The following CCSER1 variants were observed in gnomAD, a reference collection of about 807,000 sequenced individuals.
CCSER1 encodes the protein serine-rich coiled-coil domain-containing protein 1.
In CCSER1, 41 loss-of-function variants were observed where a neutral mutation model predicts 82.0. The observed-to-expected ratio is 0.50, with a 90% CI of 0.39 to 0.65. The LOEUF (loss-of-function observed/expected upper bound fraction) is 0.65. CCSER1 is among the 30% of genes least tolerant of loss of function. The pLI is 0.00. For synonymous variants in CCSER1, 414 were observed against 383.9 expected (o/e 1.08, Z -0.92); for missense variants, 1,119 against 1,064.2 (o/e 1.05, Z -0.72).
chr4:91,217,859 A>G (rs985380567), intron 10 of CCSER1, among the ~76,000 whole-genome samples: 2 of 152,236 alleles, frequency 1.3e-5, no homozygotes, highest in African/African-American at 2.4e-5. Flanking sequence ...TGAACTAGAT[A>G]TAAAGACTCT....
intron 7 of CCSER1, among the ~76,000 whole-genome samples, chr4:90,790,677 A>G (rs1214428069): frequency 6.6e-6 from 1 of 152,198 alleles, no homozygotes; most frequent in African/African-American, 2.4e-5. Flanking sequence ...ATCTGAGACC[A>G]CTTCAGCTTG....
chr4:90,135,116 G>A (rs1420757726), intron 1 of CCSER1, among the ~76,000 whole-genome samples: 1 of 152,062 alleles, frequency 6.6e-6, no homozygotes, highest in Non-Finnish European at 1.5e-5. Flanking sequence ...TCCTGATTCG[G>A]AAGCATTCTT....
chr4:91,187,614 C>T (rs544619976), intron 10 of CCSER1, among the ~76,000 whole-genome samples: 74 of 151,698 alleles, frequency 4.9e-4, no homozygotes, highest in Admixed American at 4.1e-3. Flanking sequence ...TGCAGTGATG[C>T]GATCTCGGCT....
chr4:91,493,740 C>T (rs1266334915), intron 10 of CCSER1, among the ~76,000 whole-genome samples: 1 of 151,512 alleles, frequency 6.6e-6, no homozygotes, highest in Non-Finnish European at 1.5e-5. Flanking sequence ...ATTATAATTT[C>T]ATCAACTCAT....
intron 10 of CCSER1, among the ~76,000 whole-genome samples, chr4:91,386,118 A>G (rs1751269840): frequency 2.0e-5 from 3 of 151,710 alleles, no homozygotes; most frequent in Admixed American, 2.0e-4. Flanking sequence ...TTTTTTTTAA[A>G]TACCATTCCC....
intron 10 of CCSER1, among the ~76,000 whole-genome samples, chr4:91,381,289 G>A (rs1332124340): frequency 6.6e-6 from 1 of 152,040 alleles, no homozygotes; most frequent in African/African-American, 2.4e-5. Context: ...TCTGAATGTT[G>A]GCCTGCCTTG....
intron 10 of CCSER1, among the ~76,000 whole-genome samples, chr4:91,149,659 G>A (rs1041271900): frequency 6.6e-6 from 1 of 152,250 alleles, no homozygotes; most frequent in East Asian, 1.9e-4. Flanking sequence ...TTTTGTATAA[G>A]GTGTAAGGAA....
chr4:91,033,795 G>C (rs1252674396), intron 9 of CCSER1, among the ~76,000 whole-genome samples: 1 of 152,146 alleles, frequency 6.6e-6, no homozygotes, highest in Admixed American at 6.5e-5. Flanking sequence ...TGCTACAGCA[G>C]CACCGTAAGG....
chr4:90,806,866 C>CTT (rs11412984), intron 7 of CCSER1, among the ~76,000 whole-genome samples: 9,710 of 146,692 alleles, frequency 0.066, 429 homozygotes, highest in Admixed American at 0.12. Flanking sequence ...GAATCCTCTT[C>CTT]TTTTTTTTTT....
intron 3 of CCSER1, among the ~76,000 whole-genome samples, chr4:90,333,013 C>T (rs1227062304): frequency 6.6e-6 from 1 of 152,156 alleles, no homozygotes; most frequent in Non-Finnish European, 1.5e-5. Context: ...GGCACTAACA[C>T]TCATGACAGT....
chr4:90,652,856 T>C (rs550914767), intron 6 of CCSER1, among the ~76,000 whole-genome samples: 3 of 152,158 alleles, frequency 2.0e-5, no homozygotes, highest in Admixed American at 6.6e-5. Context: ...CAAGGCCCCA[T>C]TGTTTCTCTG....
chr4:90,292,766 A>G (rs927905465), intron 1 of CCSER1, among the ~76,000 whole-genome samples: 1 of 151,476 alleles, frequency 6.6e-6, no homozygotes, highest in East Asian at 1.9e-4. Context: ...TTGATCTAAC[A>G]TTTGTGTTTG....
chr4:91,152,961 A>G (rs1055932893), intron 10 of CCSER1, among the ~76,000 whole-genome samples: 13 of 151,498 alleles, frequency 8.6e-5, no homozygotes, highest in Admixed American at 6.6e-4. Context: ...CTTCATTTCT[A>G]CTTTGGTGAA....
chr4:90,546,478 C>A (rs1560696527), intron 5 of CCSER1, among the ~76,000 whole-genome samples: 1 of 152,080 alleles, frequency 6.6e-6, no homozygotes, highest in Non-Finnish European at 1.5e-5. Context: ...TGAATAATGG[C>A]TGAATTAATT....
intron 10 of CCSER1, among the ~76,000 whole-genome samples, chr4:91,097,319 C>G (rs1467538622): frequency 7.1e-6 from 1 of 139,966 alleles, no homozygotes; most frequent in Admixed American, 7.1e-5. Context: ...GCTATTGGAA[C>G]TTTTGGATTA....
At chr4:91,260,323 A>G (rs1741008526) in intron 10 of CCSER1, among the ~76,000 whole-genome samples, 1 of 152,176 alleles carries the variant, frequency 6.6e-6, no homozygotes, top group South Asian at 2.1e-4. Flanking sequence ...ACACCCATGC[A>G]TGGGCTTGGA....
At chr4:91,164,156 C>T (rs1731763240) in intron 10 of CCSER1, among the ~76,000 whole-genome samples, 1 of 152,140 alleles carries the variant, frequency 6.6e-6, no homozygotes, top group Non-Finnish European at 1.5e-5. Flanking sequence ...ATTTGCTTGT[C>T]TGTAAAGAAT....
intron 9 of CCSER1, among the ~76,000 whole-genome samples, chr4:91,044,881 T>C (rs561760018): frequency 3.5e-4 from 53 of 152,374 alleles, no homozygotes; most frequent in African/African-American, 1.2e-3. Context: ...AAATGCTTGA[T>C]ATTTCTTTAT....
At chr4:90,138,053 C>T (rs1423591006) in intron 1 of CCSER1, among the ~76,000 whole-genome samples, 1 of 152,170 alleles carries the variant, frequency 6.6e-6, no homozygotes, top group African/African-American at 2.4e-5. Context: ...AGATGGTGAG[C>T]TCTATGAGGG....
Sources: allele counts gnomAD v4.1 joint callset (sites outside exome capture counted in the v4.1 genomes callset), GRCh38; gene constraint gnomAD v4.1.1; transcripts MANE v1.5; gene names NCBI Gene and HGNC (gene_info 2026-07-23, HGNC 2026-07-21).